The following PHACTR1 variants were observed in gnomAD, a reference collection of about 807,000 sequenced individuals.
PHACTR1 encodes the protein phosphatase and actin regulator 1.
Under a neutral mutation model 69.2 loss-of-function variants are expected in PHACTR1, and 16 were observed. The ratio of observed to expected loss-of-function variants is 0.23; its 90% CI spans 0.16 to 0.35. The LOEUF (loss-of-function observed/expected upper bound fraction) is 0.35. Ranked by LOEUF, PHACTR1 falls within the 10% of genes least tolerant of loss-of-function variation. The pLI, the probability that PHACTR1 is intolerant of heterozygous loss-of-function variation, is 1.00. For missense variants in PHACTR1, 510 were observed against 734.7 expected, an observed-to-expected ratio of 0.69 and a Z score of 3.54; for synonymous variants, 312 against 284.5, an observed-to-expected ratio of 1.10 and a Z score of -0.97.
intron 6 of PHACTR1, among the ~76,000 whole-genome samples, chr6:13,177,427 A>G (rs937990920): frequency 2.7e-4 from 22 of 81,834 alleles, no homozygotes; most frequent in African/African-American, 8.9e-4. Context: ...ACATATATGT[A>G]TGTATGTGTA....
At chr6:13,112,886 C>T (rs1220161936) in intron 5 of PHACTR1, among the ~76,000 whole-genome samples, 2 of 152,100 alleles carry the variant, frequency 1.3e-5, no homozygotes, top group Non-Finnish European at 2.9e-5. Context: ...AATTAGATCC[C>T]ATTTGTCAGT....
chr6:12,784,951 C>T (rs1293038935), intron 4 of PHACTR1, among the ~76,000 whole-genome samples: 5 of 151,806 alleles, frequency 3.3e-5, no homozygotes, highest in African/African-American at 4.8e-5. Flanking sequence ...TCAGATGATC[C>T]GCCCACCTCA....
In PHACTR1 at chr6:13,211,457, G is replaced by A. The variant is rs556417526; in HGVS notation, c.986+5321G>A. Among the ~76,000 whole-genome samples, 62 of 152,052 alleles carry A rather than the reference G, an allele frequency of 4.1e-4. No homozygotes were observed. In the South Asian group the frequency reaches 6.4e-3, roughly 16 times the overall value. ...CGCCGTTTCTTTCTGATCTTAATTC[G>A]GCTGATCTCTGTGTTCCAGTCTCCT... is the stretch of plus-strand genomic sequence containing the variant. On this transcript the variant is annotated intron_variant, in intron 8 of 14. Transcript: ENST00000332995.
intron 7 of PHACTR1, among the ~76,000 whole-genome samples, chr6:13,201,282 G>T (rs1765198357): frequency 6.6e-6 from 1 of 152,196 alleles, no homozygotes; most frequent in African/African-American, 2.4e-5. Flanking sequence ...GAGGAAAGCG[G>T]GTCTTCATTT....
intron 5 of PHACTR1, among the ~76,000 whole-genome samples, chr6:13,088,400 T>C (rs1213494652): frequency 1.3e-5 from 2 of 150,860 alleles, no homozygotes; most frequent in Admixed American, 1.3e-4. Flanking sequence ...TGGACCTGGC[T>C]CTTTATCTTG....
intron 4 of PHACTR1, among the ~76,000 whole-genome samples, chr6:12,849,331 A>G (rs1314226169): frequency 1.3e-5 from 2 of 152,194 alleles, no homozygotes; most frequent in Admixed American, 6.5e-5. Context: ...GGTCAGCCAG[A>G]CCTTCGTTTC....
At chr6:13,204,426 G>A (rs927565830) in intron 7 of PHACTR1, among the ~76,000 whole-genome samples, 12 of 151,900 alleles carry the variant, frequency 7.9e-5, no homozygotes, top group Middle Eastern at 3.2e-3. Flanking sequence ...CCTCCCTGCT[G>A]TGCTGTTCCA....
chr6:13,281,887 C>T (rs1277224151), intron 12 of PHACTR1, among the ~76,000 whole-genome samples: 1 of 152,220 alleles, frequency 6.6e-6, no homozygotes, highest in South Asian at 2.1e-4. Flanking sequence ...GGGAGGCCTA[C>T]ATGCAGTCTA....
At chr6:13,266,512 T>C (rs1181250881) in intron 10 of PHACTR1, 9 of 152,340 alleles carry the variant, frequency 5.9e-5, no homozygotes, top group Admixed American at 5.2e-4. Context: ...CCCACACTGC[T>C]GTGAAGAAAT....
intron 10 of PHACTR1, among the ~76,000 whole-genome samples, chr6:13,237,728 G>T (rs1772216649): frequency 6.6e-6 from 1 of 152,170 alleles, no homozygotes; most frequent in Non-Finnish European, 1.5e-5. Flanking sequence ...GTCATTGTGT[G>T]GCCATCATGA....
At chr6:13,070,050 T>C (rs2127771137) in intron 5 of PHACTR1, among the ~76,000 whole-genome samples, 1 of 152,194 alleles carries the variant, frequency 6.6e-6, no homozygotes, top group East Asian at 1.9e-4. Flanking sequence ...AATAAGTATG[T>C]GTACACCAAA....
chr6:13,081,335 A>G (rs571868283), intron 5 of PHACTR1, among the ~76,000 whole-genome samples: 30 of 152,282 alleles, frequency 2.0e-4, no homozygotes, highest in African/African-American at 7.2e-4. Context: ...ATATTCTTGG[A>G]TTTTAAAACA....
chr6:13,024,188 A>C (rs941286438), intron 4 of PHACTR1, among the ~76,000 whole-genome samples: 3 of 152,166 alleles, frequency 2.0e-5, no homozygotes, highest in Admixed American at 6.5e-5. Flanking sequence ...AGGTGTTCTC[A>C]GTAAGATTTG....
chr6:13,202,682 G>A (rs911217332), intron 7 of PHACTR1, among the ~76,000 whole-genome samples: 5 of 152,130 alleles, frequency 3.3e-5, no homozygotes, highest in African/African-American at 7.2e-5. Context: ...TCACCATGTT[G>A]GTCAGGCTGG....
At chr6:13,007,191 T>G (rs1213153942) in intron 4 of PHACTR1, among the ~76,000 whole-genome samples, 4 of 152,194 alleles carry the variant, frequency 2.6e-5, no homozygotes, top group Non-Finnish European at 5.9e-5. Flanking sequence ...TCCCAGCTGC[T>G]TTATTTTATT....
intron 4 of PHACTR1, among the ~76,000 whole-genome samples, chr6:12,959,202 A>AAAAAAG (rs1792351523): frequency 1.3e-4 from 9 of 69,114 alleles, no homozygotes; most frequent in African/African-American, 9.6e-4. Flanking sequence ...AAAAGAAAAG[A>AAAAAAG]AAAAAAAAAG....
chr6:13,147,292 T>G (rs1163400322), intron 5 of PHACTR1, among the ~76,000 whole-genome samples: 1 of 152,214 alleles, frequency 6.6e-6, no homozygotes, highest in Non-Finnish European at 1.5e-5. Context: ...TGCAGAGAGA[T>G]AGAAAATGGA....
intron 4 of PHACTR1, among the ~76,000 whole-genome samples, chr6:12,777,793 G>A (rs1054536926): frequency 4.6e-5 from 7 of 151,934 alleles, no homozygotes; most frequent in Non-Finnish European, 7.4e-5. Flanking sequence ...CACCGTGCCC[G>A]GCTAATTTTT....
At chr6:13,224,764 G>A (rs1239868039) in intron 8 of PHACTR1, among the ~76,000 whole-genome samples, 1 of 152,220 alleles carries the variant, frequency 6.6e-6, no homozygotes, top group African/African-American at 2.4e-5. Flanking sequence ...TCCTAGAGCA[G>A]TAGTTTTGTA....
Sources: allele counts gnomAD v4.1 joint callset (sites outside exome capture counted in the v4.1 genomes callset), GRCh38; gene constraint gnomAD v4.1.1; transcripts MANE v1.5; gene names NCBI Gene and HGNC (gene_info 2026-07-23, HGNC 2026-07-21).